NDUFAF2: variants seen among roughly 807,000 people sequenced by gnomAD.
The protein encoded by NDUFAF2 is NADH dehydrogenase [ubiquinone] 1 alpha subcomplex assembly factor 2.
NDUFAF2 carries 13 observed loss-of-function variants against 22.8 expected under a neutral mutation model. The observed-to-expected ratio is 0.57, with a 90% CI of 0.37 to 0.91. The LOEUF is 0.91. NDUFAF2 is among the 40% of genes least tolerant of loss of function. The pLI is 0.01. For synonymous variants in NDUFAF2, 53 were observed against 64.2 expected (o/e 0.83, Z 0.84); for missense variants, 162 against 195.2 (o/e 0.83, Z 1.01).
chr5:60,991,397 G>T (rs1751156835), intron 1 of NDUFAF2, among the ~76,000 whole-genome samples: 1 of 151,872 alleles, frequency 6.6e-6, no homozygotes, highest in Admixed American at 6.6e-5. Context: ...GTCAATAGTA[G>T]GTCTTATTTA....
chr5:60,981,237 C>T (rs1750973241), intron 1 of NDUFAF2, among the ~76,000 whole-genome samples: 2 of 152,042 alleles, frequency 1.3e-5, no homozygotes, highest in Non-Finnish European at 2.9e-5. Context: ...CATCTGGCAG[C>T]CAACTTTTCA....
At chr5:61,049,975 C>T (rs1362454611) in intron 1 of NDUFAF2, among the ~76,000 whole-genome samples, 4 of 151,178 alleles carry the variant, frequency 2.6e-5, no homozygotes, top group Admixed American at 6.6e-5. Context: ...TTTGGCCCTC[C>T]GAAAGTTGAA....
At chr5:61,076,743 A>G (rs192292241) in intron 2 of NDUFAF2, among the ~76,000 whole-genome samples, 2 of 152,328 alleles carry the variant, frequency 1.3e-5, no homozygotes, top group Admixed American at 6.5e-5. Context: ...GCTGCATTGC[A>G]AATAGACTTA....
At chr5:61,083,638 A>G (rs1032481558) in intron 2 of NDUFAF2, among the ~76,000 whole-genome samples, 7 of 151,676 alleles carry the variant, frequency 4.6e-5, no homozygotes, top group Non-Finnish European at 1.0e-4. Context: ...CGGCCTCCCA[A>G]AAGTGCTGGG....
At chr5:60,993,705 C>G (rs551408794) in intron 1 of NDUFAF2, among the ~76,000 whole-genome samples, 1 of 152,072 alleles carries the variant, frequency 6.6e-6, no homozygotes, top group Non-Finnish European at 1.5e-5. Flanking sequence ...GATAGCTCCT[C>G]TCTGCAGCTG....
At chr5:61,006,386 G>T (rs1480585882) in intron 1 of NDUFAF2, among the ~76,000 whole-genome samples, 8 of 152,152 alleles carry the variant, frequency 5.3e-5, no homozygotes, top group Non-Finnish European at 1.0e-4. Context: ...GATGCCTCCA[G>T]CTTTGTTCTT....
chr5:61,040,399 A>G (rs1392840955), intron 1 of NDUFAF2, among the ~76,000 whole-genome samples: 2 of 152,120 alleles, frequency 1.3e-5, no homozygotes, highest in Non-Finnish European at 2.9e-5. Context: ...TAGAGCCTTC[A>G]GAGGACCCTC....
At chr5:61,034,198 A>G (rs756427681) in intron 1 of NDUFAF2, among the ~76,000 whole-genome samples, 15 of 152,210 alleles carry the variant, frequency 9.9e-5, no homozygotes, top group South Asian at 2.1e-4. Flanking sequence ...AATATGGGCA[A>G]TATACCTGTT....
At chr5:61,054,327 A>G (rs1752060844) in intron 1 of NDUFAF2, among the ~76,000 whole-genome samples, 1 of 152,244 alleles carries the variant, frequency 6.6e-6, no homozygotes, top group Non-Finnish European at 1.5e-5. Context: ...TGAGTAAAGT[A>G]ATAGTCCTAT....
chr5:61,002,690 A>G (rs142288266), intron 1 of NDUFAF2, among the ~76,000 whole-genome samples: 288 of 152,210 alleles, frequency 1.9e-3, no homozygotes, highest in African/African-American at 6.6e-3. Context: ...CTGTTCAATA[A>G]TTTATTTTGT....
intron 1 of NDUFAF2, among the ~76,000 whole-genome samples, chr5:61,021,290 C>A (rs1751580721): frequency 6.6e-6 from 1 of 152,012 alleles, no homozygotes. Context: ...TTCCCCTGTT[C>A]TAGCTTCTAG....
chr5:61,084,501 C>T (rs1383998954), intron 2 of NDUFAF2, among the ~76,000 whole-genome samples: 1 of 152,108 alleles, frequency 6.6e-6, no homozygotes, highest in Non-Finnish European at 1.5e-5. Context: ...CTTTGGCAAC[C>T]ACCATTCTAC....
intron 2 of NDUFAF2, among the ~76,000 whole-genome samples, chr5:61,073,945 CACAATGAGAAGT>C (rs1752333845): frequency 6.6e-6 from 1 of 152,210 alleles, no homozygotes; most frequent in Non-Finnish European, 1.5e-5. Flanking sequence ...GAAACTAGTT[CACAATGAGAAGT>C]ACATAGAGAG....
chr5:60,948,869 A>G (rs1394090131), intron 1 of NDUFAF2, among the ~76,000 whole-genome samples: 1 of 152,132 alleles, frequency 6.6e-6, no homozygotes, highest in Non-Finnish European at 1.5e-5. Context: ...TTCTTAAGAA[A>G]CTGCCTAAGT....
chr5:60,951,141 T>C (rs1750540440), intron 1 of NDUFAF2, among the ~76,000 whole-genome samples: 1 of 152,132 alleles, frequency 6.6e-6, no homozygotes, highest in African/African-American at 2.4e-5. Flanking sequence ...GTGATTCTCC[T>C]GCCTCAGCCT....
At chr5:61,068,347 T>G (rs1332959501) in intron 1 of NDUFAF2, among the ~76,000 whole-genome samples, 3 of 152,156 alleles carry the variant, frequency 2.0e-5, no homozygotes, top group South Asian at 4.1e-4. Flanking sequence ...TAACACACTT[T>G]TACAAGAAAT....
rs180705720 is a variant in NDUFAF2, at chr5:60,956,805, A to T, written c.127+11423A>T. ...TTTCTGTGTGAGTATATTTAGACAC[A>T]CGTATATTTGGATTATCAGTGTGCC... On this transcript the variant is annotated intron_variant, in intron 1 of 3. Coordinates refer to ENST00000296597, the MANE Select transcript of NDUFAF2 (RefSeq NM_174889.5). 2.4e-3 allele frequency among the ~76,000 whole-genome samples: 361 copies of T among 152,290 alleles called. 2 individuals are homozygous for T. Among genetic ancestry groups the T allele is most frequent in the African/African-American group, 8.4e-3 (349 of 41,566 alleles).
intron 3 of NDUFAF2, among the ~76,000 whole-genome samples, chr5:61,119,072 C>T (rs1253949142): frequency 6.6e-6 from 1 of 152,028 alleles, no homozygotes; most frequent in Non-Finnish European, 1.5e-5. Flanking sequence ...TATTGGGTCC[C>T]TGATAGAAAA....
intron 3 of NDUFAF2, among the ~76,000 whole-genome samples, chr5:61,144,514 C>T (rs1479610927): frequency 6.6e-6 from 1 of 152,058 alleles, no homozygotes; most frequent in Non-Finnish European, 1.5e-5. Flanking sequence ...CTTAGATCTG[C>T]ATCTAAATAT....
Sources: allele counts gnomAD v4.1 joint callset (sites outside exome capture counted in the v4.1 genomes callset), GRCh38; gene constraint gnomAD v4.1.1; transcripts MANE v1.5; gene names NCBI Gene and HGNC (gene_info 2026-07-23, HGNC 2026-07-21).